Variants in SCHIP1 observed in about 807,000 individuals in gnomAD.
SCHIP1 encodes schwannomin interacting protein 1.
SCHIP1 carries 8 observed loss-of-function variants against 29.7 expected under a neutral mutation model. The ratio of observed to expected loss-of-function variants is 0.27; its 90% CI spans 0.16 to 0.49. The LOEUF (loss-of-function observed/expected upper bound fraction) is 0.49. Ranked by LOEUF, SCHIP1 falls within the 20% of genes least tolerant of loss-of-function variation. The pLI is 0.99. For missense variants in SCHIP1, 193 were observed against 294.6 expected, an observed-to-expected ratio of 0.66 and a Z score of 2.52; for synonymous variants, 76 against 94.9, an observed-to-expected ratio of 0.80 and a Z score of 1.16.
At chr3:159,647,747 C>T in the SCHIP1 span, among the ~76,000 whole-genome samples, 3 of 152,140 alleles carry the variant, frequency 2.0e-5, no homozygotes, top group Non-Finnish European at 2.9e-5. Context: ...TGTCTAGAAG[C>T]TTGTGTCTAC....
At chr3:159,528,894 A>C in the SCHIP1 span, among the ~76,000 whole-genome samples, 1 of 152,058 alleles carries the variant, frequency 6.6e-6, no homozygotes, top group Non-Finnish European at 1.5e-5. Context: ...TCACCAGAAC[A>C]CTCCAATCTC....
chr3:159,384,396 T>C, the SCHIP1 span, among the ~76,000 whole-genome samples: 1 of 152,146 alleles, frequency 6.6e-6, no homozygotes, highest in African/African-American at 2.4e-5. Flanking sequence ...GTTCTGTTTA[T>C]ATGCTGGATT....
the SCHIP1 span, among the ~76,000 whole-genome samples, chr3:159,530,502 C>G: frequency 3.3e-5 from 5 of 152,168 alleles, no homozygotes; most frequent in Admixed American, 1.3e-4. Context: ...TTCCTTACTT[C>G]TATAATTTCT....
the SCHIP1 span, among the ~76,000 whole-genome samples, chr3:159,502,949 A>G: frequency 3.3e-5 from 5 of 152,210 alleles, no homozygotes; most frequent in Non-Finnish European, 7.3e-5. Context: ...TAAAGACGCT[A>G]AAAGGCGGTA....
chr3:159,680,730 A>ACATATATTATATATGTATAT, the SCHIP1 span, among the ~76,000 whole-genome samples: 4 of 74,022 alleles, frequency 5.4e-5, no homozygotes, highest in African/African-American at 2.8e-4. Flanking sequence ...GTATATATAT[A>ACATATATTATATATGTATAT]ATATACATAT....
the SCHIP1 span, among the ~76,000 whole-genome samples, chr3:159,574,398 G>A: frequency 6.3e-4 from 96 of 152,290 alleles, no homozygotes; most frequent in Admixed American, 1.4e-3. Context: ...GTTTGTTGGA[G>A]GTCCACTCCA....
chr3:159,560,688 A>G, the SCHIP1 span, among the ~76,000 whole-genome samples: 29 of 144,536 alleles, frequency 2.0e-4, no homozygotes, highest in Non-Finnish European at 4.1e-4. Context: ...ATTCTCCCCC[A>G]TCACTCTCAA....
chr3:159,600,180 C>T, the SCHIP1 span, among the ~76,000 whole-genome samples: 1 of 152,172 alleles, frequency 6.6e-6, no homozygotes, highest in African/African-American at 2.4e-5. Flanking sequence ...CTGATTATAA[C>T]ATACCATAGA....
chr3:159,514,461 C>T, the SCHIP1 span, among the ~76,000 whole-genome samples: 1 of 152,126 alleles, frequency 6.6e-6, no homozygotes, highest in Non-Finnish European at 1.5e-5. Context: ...AAATTGAGTT[C>T]GTCCTTCATG....
At chr3:159,724,704 C>A in the SCHIP1 span, among the ~76,000 whole-genome samples, 1 of 152,120 alleles carries the variant, frequency 6.6e-6, no homozygotes, top group Non-Finnish European at 1.5e-5. Context: ...AAATGAGTGA[C>A]TCGAATCCCT....
chr3:159,724,884 C>A, the SCHIP1 span, among the ~76,000 whole-genome samples: 1 of 152,214 alleles, frequency 6.6e-6, no homozygotes, highest in Non-Finnish European at 1.5e-5. Context: ...CTATAGCTGC[C>A]TTCATTCTCA....
chr3:159,781,472 A>C, the SCHIP1 span, among the ~76,000 whole-genome samples: 1 of 152,224 alleles, frequency 6.6e-6, no homozygotes, highest in East Asian at 1.9e-4. Context: ...CACCATGCCC[A>C]GCCAATAAGT....
At chr3:159,616,250 C>CA in the SCHIP1 span, among the ~76,000 whole-genome samples, 1 of 152,198 alleles carries the variant, frequency 6.6e-6, no homozygotes, top group East Asian at 1.9e-4. Flanking sequence ...AGGCATGTGC[C>CA]ACCATGCCCA....
chr3:159,685,706 CT>C, the SCHIP1 span, among the ~76,000 whole-genome samples: 62 of 151,910 alleles, frequency 4.1e-4, no homozygotes, highest in Non-Finnish European at 7.8e-4. Flanking sequence ...TTCAGAACAC[CT>C]TTTTTTTCCT....
chr3:159,319,465 A>G, the SCHIP1 span, among the ~76,000 whole-genome samples: 6 of 152,228 alleles, frequency 3.9e-5, no homozygotes, highest in Admixed American at 3.3e-4. Context: ...ATATCTGCAC[A>G]TTGGTAACTT....
At chr3:159,642,716 A>C in the SCHIP1 span, among the ~76,000 whole-genome samples, 1 of 152,128 alleles carries the variant, frequency 6.6e-6, no homozygotes, top group Non-Finnish European at 1.5e-5. Flanking sequence ...ACAGAGCTCC[A>C]CATGCTCATG....
At chr3:159,520,366 C>T in the SCHIP1 span, among the ~76,000 whole-genome samples, 360 of 152,228 alleles carry the variant, frequency 2.4e-3, 1 homozygote, top group Non-Finnish European at 4.3e-3. Context: ...AAGAAACGGC[C>T]TAGCGTATCC....
At chr3:159,852,564 A>G (rs541651962) in intron 1 of SCHIP1, among the ~76,000 whole-genome samples, 2 of 152,282 alleles carry the variant, frequency 1.3e-5, no homozygotes, top group South Asian at 4.1e-4. Flanking sequence ...GTGTAAAGAG[A>G]GCAGCAGAAA....
chr3:159,657,422 A>G, the SCHIP1 span, among the ~76,000 whole-genome samples: 5 of 152,272 alleles, frequency 3.3e-5, 1 homozygote, highest in South Asian at 1.0e-3. Context: ...CGTGCATCAC[A>G]CTCCGTTTAC....
Sources: allele counts gnomAD v4.1 joint callset (sites outside exome capture counted in the v4.1 genomes callset), GRCh38; gene constraint gnomAD v4.1.1; transcripts MANE v1.5; gene names NCBI Gene and HGNC (gene_info 2026-07-23, HGNC 2026-07-21).